The following WWOX variants were observed in gnomAD, a reference collection of about 807,000 sequenced individuals.
WWOX encodes WW domain containing oxidoreductase.
A neutral mutation model predicts 46.2 loss-of-function variants in WWOX; 69 were observed. That is an observed-to-expected ratio of 1.49 (90% CI 1.23 to 1.82). The LOEUF is 1.82. WWOX is among the 40% of genes most tolerant of loss of function. The probability of loss-of-function intolerance (pLI) is 0.00; values close to 1 mark genes in which losing one functional copy is unlikely to be tolerated. For synonymous variants in WWOX, 359 were observed against 202.6 expected (o/e 1.77, Z -6.56); for missense variants, 919 against 542.6 (o/e 1.69, Z -6.89).
chr16:78,862,570 G>A (rs188935528), intron 8 of WWOX, among the ~76,000 whole-genome samples: 19 of 152,200 alleles, frequency 1.2e-4, no homozygotes, highest in Non-Finnish European at 2.4e-4. Flanking sequence ...TACAGAGACT[G>A]AGACATCGAA....
chr16:78,956,396 C>A (rs1371978117), intron 8 of WWOX, among the ~76,000 whole-genome samples: 1 of 152,106 alleles, frequency 6.6e-6, no homozygotes, highest in Non-Finnish European at 1.5e-5. Flanking sequence ...CTCAAGTGAT[C>A]CGCCCATCTC....
chr16:78,709,368 C>A (rs780251545), intron 8 of WWOX, among the ~76,000 whole-genome samples: 1 of 152,184 alleles, frequency 6.6e-6, no homozygotes, highest in Non-Finnish European at 1.5e-5. Flanking sequence ...AAGGAAAGCC[C>A]GCGATTCTCG....
chr16:79,055,432 C>T (rs1157358760), intron 8 of WWOX, among the ~76,000 whole-genome samples: 1 of 152,106 alleles, frequency 6.6e-6, no homozygotes, highest in African/African-American at 2.4e-5. Flanking sequence ...TGCCTGACTA[C>T]CCTGAGACTG....
intron 8 of WWOX, among the ~76,000 whole-genome samples, chr16:78,528,666 C>T (rs1326117336): frequency 6.6e-6 from 1 of 152,076 alleles, no homozygotes; most frequent in African/African-American, 2.4e-5. Flanking sequence ...TCTTAGGTGC[C>T]TCTGGGCTTT....
At chr16:78,477,876 T>C (rs1297938236) in intron 8 of WWOX, among the ~76,000 whole-genome samples, 1 of 152,144 alleles carries the variant, frequency 6.6e-6, no homozygotes, top group Non-Finnish European at 1.5e-5. Context: ...TTTATAATAT[T>C]AGTGGGAGGA....
chr16:79,029,887 G>A (rs573638568), intron 8 of WWOX, among the ~76,000 whole-genome samples: 12 of 152,112 alleles, frequency 7.9e-5, no homozygotes, highest in Admixed American at 5.2e-4. Context: ...ATAGAAAATC[G>A]AAAGGAAGCA....
At chr16:79,125,179 C>T (rs1252287287) in intron 8 of WWOX, among the ~76,000 whole-genome samples, 2 of 151,954 alleles carry the variant, frequency 1.3e-5, no homozygotes, top group African/African-American at 4.8e-5. Flanking sequence ...TTCATTTTAA[C>T]ATCATCTTAA....
intron 8 of WWOX, among the ~76,000 whole-genome samples, chr16:78,744,052 C>G (rs1049866835): frequency 6.6e-6 from 1 of 152,122 alleles, no homozygotes; most frequent in Non-Finnish European, 1.5e-5. Flanking sequence ...AACCTGGACG[C>G]CCTCCTCCAG....
intron 6 of WWOX, among the ~76,000 whole-genome samples, chr16:78,423,524 G>A (rs377215145): frequency 3.3e-5 from 5 of 152,130 alleles, no homozygotes; most frequent in East Asian, 1.9e-4. Flanking sequence ...TACTTTCTGA[G>A]AATTTAGCTT....
At chr16:78,680,704 G>C (rs774773017) in intron 8 of WWOX, among the ~76,000 whole-genome samples, 1 of 152,210 alleles carries the variant, frequency 6.6e-6, no homozygotes, top group African/African-American at 2.4e-5. Context: ...CTCCCACTGT[G>C]GGTAGCACAT....
At chr16:78,151,043 A>ATTTTT (rs10629101) in intron 4 of WWOX, among the ~76,000 whole-genome samples, 7 of 140,898 alleles carry the variant, frequency 5.0e-5, no homozygotes, top group Admixed American at 2.1e-4. Context: ...GTGCTCCACA[A>ATTTTT]TTTTTTTTTT....
At chr16:79,095,829 C>T (rs902446988) in intron 8 of WWOX, among the ~76,000 whole-genome samples, 5 of 151,302 alleles carry the variant, frequency 3.3e-5, no homozygotes, top group Admixed American at 1.3e-4. Flanking sequence ...CCTCGCCTCC[C>T]GCCTGGATCA....
intron 8 of WWOX, among the ~76,000 whole-genome samples, chr16:78,577,414 G>A (rs577179968): frequency 6.6e-6 from 1 of 152,258 alleles, no homozygotes; most frequent in South Asian, 2.1e-4. Flanking sequence ...GCGGCCATGA[G>A]TAAAGGGTGC....
At chr16:78,622,697 T>G (rs938103742) in intron 8 of WWOX, among the ~76,000 whole-genome samples, 4 of 152,126 alleles carry the variant, frequency 2.6e-5, no homozygotes, top group Non-Finnish European at 5.9e-5. Flanking sequence ...GAGACTTACT[T>G]CTGACCAATA....
At chr16:78,984,266 T>A (rs950826844) in intron 8 of WWOX, among the ~76,000 whole-genome samples, 2 of 152,180 alleles carry the variant, frequency 1.3e-5, no homozygotes, top group African/African-American at 4.8e-5. Context: ...GACTGCTATA[T>A]GGCAGAGCTT....
intron 8 of WWOX, among the ~76,000 whole-genome samples, chr16:78,953,130 T>A (rs1327956408): frequency 6.6e-6 from 1 of 152,112 alleles, no homozygotes; most frequent in Non-Finnish European, 1.5e-5. Context: ...CCACTCCTGA[T>A]AATCTGACCT....
intron 8 of WWOX, among the ~76,000 whole-genome samples, chr16:79,088,441 C>T (rs920229657): frequency 1.3e-5 from 2 of 152,210 alleles, no homozygotes; most frequent in African/African-American, 4.8e-5. Context: ...GAGCCGTGGG[C>T]AGCCTGATGA....
intron 6 of WWOX, among the ~76,000 whole-genome samples, chr16:78,412,764 T>A (rs1275832961): frequency 2.6e-5 from 4 of 152,140 alleles, no homozygotes; most frequent in Non-Finnish European, 4.4e-5. Context: ...TGGATGGTGA[T>A]AGAATGGAAT....
rs2049639599 is a variant in WWOX at position 78,756,099 on chromosome 16, A to AATG, written c.1056+323351_1056+323353dup. Among the ~76,000 whole-genome samples, 4 of 152,160 alleles carry AATG rather than the reference A, an allele frequency of 2.6e-5. No homozygotes were observed. In the South Asian group the frequency reaches 6.2e-4, roughly 24 times the overall value. On this transcript the variant is annotated intron_variant, in intron 8 of 8. Transcript: ENST00000566780. ...CAGTCTTTTATTTGAAAAAGGGAAG[A>AATG]ATGATGGAAAGGGGAGGAGAGAGTA...
Sources: allele counts gnomAD v4.1 joint callset (sites outside exome capture counted in the v4.1 genomes callset), GRCh38; gene constraint gnomAD v4.1.1; transcripts MANE v1.5; gene names NCBI Gene and HGNC (gene_info 2026-07-23, HGNC 2026-07-21).